Variants in SRSF10 observed in about 807,000 individuals in gnomAD.
SRSF10 encodes the protein serine and arginine rich splicing factor 10.
SRSF10 carries 9 observed loss-of-function variants against 32.6 expected under a neutral mutation model. That is an observed-to-expected ratio of 0.28 (90% confidence interval 0.17 to 0.48). The LOEUF (loss-of-function observed/expected upper bound fraction) is 0.48, where lower values mean the gene tolerates loss of function less well. Ranked by LOEUF, SRSF10 falls within the 20% of genes least tolerant of loss-of-function variation. SRSF10 has a pLI of 0.99. For missense variants in SRSF10, 201 were observed against 331.8 expected, an observed-to-expected ratio of 0.61 and a Z score of 3.06; for synonymous variants, 105 against 112.4, an observed-to-expected ratio of 0.93 and a Z score of 0.42.
chr1:23,968,881 A>C lies in SRSF10; in HGVS notation c.*2261T>G, dbSNP rs1641589145. Among the ~76,000 whole-genome samples, 1 of 152,178 alleles carries C rather than the reference A, an allele frequency of 6.6e-6. No individual in the cohort carries two copies. Among genetic ancestry groups the C allele is most frequent in the Non-Finnish European group, 1.5e-5 (1 of 67,998 alleles). ...AAGAGGCTTAATGAGCAATCATGAA[A>C]CAACTTTGATATTACACAATGAATT... On this transcript the variant is annotated 3_prime_UTR_variant, in exon 6 of 6. Coordinates refer to ENST00000492112, the MANE Select transcript of SRSF10 (RefSeq NM_054016.4).
At chr1:23,974,600 A>C (rs4649144) in intron 3 of SRSF10, among the ~76,000 whole-genome samples, 2 of 152,228 alleles carry the variant, frequency 1.3e-5, no homozygotes, top group Non-Finnish European at 2.9e-5. Flanking sequence ...AGGCTGAGGC[A>C]GGTGGATCAC....
In SRSF10 at chr1:23,965,010, A is replaced by C. The variant is rs1208857117; in HGVS notation, c.*6132T>G. ...AGCTGTTACAAATACACAGAAACAT[A>C]ATAAAGATAACCAACACTGTTAAGA... On this transcript the variant is annotated 3_prime_UTR_variant, in exon 6 of 6. Transcript: ENST00000492112. 2 of 152,104 alleles carry C rather than the reference A, an allele frequency of 1.3e-5. No individual in the cohort carries two copies. Among genetic ancestry groups the C allele is most frequent in the African/African-American group, 2.4e-5 (1 of 41,572 alleles). The allele number at this position is 152,104 out of a possible 1,614,324, so 9.4% of individuals were successfully genotyped here.
At chr1:23,977,470 A>G (rs1448077903) in intron 2 of SRSF10, 3 of 152,204 alleles carry the variant, frequency 2.0e-5, no homozygotes, top group Non-Finnish European at 4.4e-5. Context: ...TAAAGAAGTT[A>G]AGGGTTTATA....
Position 23,968,025 on chromosome 1 carries a change from T to A in SRSF10, c.*3117A>T, listed in dbSNP as rs974398608. On this transcript the variant is annotated 3_prime_UTR_variant, in exon 6 of 6. Coordinates refer to ENST00000492112, the MANE Select transcript of SRSF10 (RefSeq NM_054016.4). Reference sequence around the variant, plus strand: ...GAGAGGTGAAGTGTGTCAGCCCTCATTTGAGTGTTGATATAACCATTCTAT... The same window carrying A: ...GAGAGGTGAAGTGTGTCAGCCCTCAATTGAGTGTTGATATAACCATTCTAT... 3.9e-6 allele frequency: 6 copies of A among 1,533,358 alleles called. No individual in the cohort carries two copies. The African/African-American group carries it at 5.5e-5, about 14-fold the overall frequency. The allele number at this position is 1,533,358 out of a possible 1,614,324, so 95.0% of individuals were successfully genotyped here. A position where few individuals can be genotyped will look rare whatever the true frequency, so the allele number is the denominator to read the frequency against.
chr1:23,974,396 C>T (rs573204678), intron 3 of SRSF10, among the ~76,000 whole-genome samples: 93 of 140,344 alleles, frequency 6.6e-4, no homozygotes, highest in African/African-American at 2.3e-3. Flanking sequence ...TCTGGTAAGC[C>T]TGCATAACCA....
chr1:23,971,744 G>GT, intron 4 of SRSF10, 106 bp downstream of exon 4: 1 of 1,491,074 alleles, frequency 6.7e-7, no homozygotes. Context: ...TTGTCTCAAT[G>GT]AAACATTCAA....
chr1:23,968,800 A>T lies in SRSF10; in HGVS notation c.*2342T>A, dbSNP rs1264014597. Among the ~76,000 whole-genome samples the T allele has an allele frequency of 2.0e-5, 3 of 152,234 alleles. No homozygotes were observed. The highest frequency in any genetic ancestry group is 2.9e-5 in the Non-Finnish European group (2 of 68,026). ...ATAATGAAAATATAAACTTGGAATT[A>T]GCTGATCCAAATTTCATCTTAACAC... is the stretch of plus-strand genomic sequence containing the variant. On this transcript the variant is annotated 3_prime_UTR_variant, in exon 6 of 6. Transcript: ENST00000492112.
Position 23,973,992 on chromosome 1 carries a change from A to ATT in SRSF10, c.274+980_274+981dup, listed in dbSNP as rs141826891. Among the ~76,000 whole-genome samples the ATT allele has an allele frequency of 4.5e-3, 600 of 134,184 alleles. 5 individuals carry two copies. The highest frequency in any genetic ancestry group is 0.014 in the African/African-American group (491 of 36,048). The allele number at this position is 134,184 out of a possible 152,430, so 88.0% of individuals were successfully genotyped here. On this transcript the variant is annotated intron_variant, in intron 3 of 5. Coordinates refer to ENST00000492112, the MANE Select transcript of SRSF10 (RefSeq NM_054016.4). ...AGAGCTCCTCCTCTCCTCAGCAGCT[A>ATT]TTTTTTTTTTTTTTTTTGAGGCACA...
At position 23,969,792 on chromosome 1, in the gene SRSF10, T is replaced by A. The variant is rs780834041; in HGVS notation, c.*1350A>T. ...CACTGATAATCGAAAGCTCAAAAGA[T>A]GTGACTCTTGCTTAAAACTGACTAA... On this transcript the variant is annotated 3_prime_UTR_variant, in exon 6 of 6. Coordinates refer to ENST00000492112, the MANE Select transcript of SRSF10 (RefSeq NM_054016.4). 3.0e-6 allele frequency: 3 copies of A among 985,310 alleles called. No individual in the cohort carries two copies. The highest frequency in any genetic ancestry group is 3.6e-6 in the Non-Finnish European group (3 of 829,912). 61.0% of individuals were successfully genotyped at this position (985,310 alleles called of 1,614,324 possible).
chr1:23,967,078 G>A lies in SRSF10; in HGVS notation c.*4064C>T, dbSNP rs1246222041. 3.3e-5 allele frequency: 5 copies of A among 152,206 alleles called. No individual in the cohort carries two copies. The highest frequency in any genetic ancestry group is 1.2e-4 in the African/African-American group (5 of 41,422). 9.4% of individuals were successfully genotyped at this position (152,206 alleles called of 1,614,324 possible). A position where few individuals can be genotyped will look rare whatever the true frequency, so the allele number is the denominator to read the frequency against. ...TGCTGAATATACTGACTAGGAAAGA[G>A]GTGAGAAGAGATGGGCCCTCTTAGC... is the stretch of plus-strand genomic sequence containing the variant. On this transcript the variant is annotated 3_prime_UTR_variant, in exon 6 of 6. Transcript: ENST00000492112.
At chr1:23,979,872 G>GT (rs1256372159) in intron 1 of SRSF10, among the ~76,000 whole-genome samples, 2 of 151,994 alleles carry the variant, frequency 1.3e-5, no homozygotes, top group Admixed American at 1.3e-4. Flanking sequence ...ATCAATGGGG[G>GT]GCGGCCGTCG....
chr1:23,975,170 ATAT>A, intron 2 of SRSF10, 93 bp from the exon 3 acceptor site: 1 of 1,007,708 alleles, frequency 9.9e-7, no homozygotes, highest in African/African-American at 1.6e-5. Flanking sequence ...CAATCTCCCA[ATAT>A]TATTCCAGAA....
At position 23,965,927 on chromosome 1, in the gene SRSF10, T is replaced by C. The variant is rs919144662; in HGVS notation, c.*5215A>G. 3 of 151,930 alleles carry C rather than the reference T, an allele frequency of 2.0e-5. No homozygotes were observed. The highest frequency in any genetic ancestry group is 2.9e-5 in the Non-Finnish European group (2 of 67,820). The allele number at this position is 151,930 out of a possible 1,614,324, so 9.4% of individuals were successfully genotyped here. A position where few individuals can be genotyped will look rare whatever the true frequency, so the allele number is the denominator to read the frequency against. On this transcript the variant is annotated 3_prime_UTR_variant, in exon 6 of 6. Transcript: ENST00000492112. ...CTCTACATATTCTTTTAAAAATACA[T>C]AGAACCTCTGTCCATAAGAACCCCT...
At chr1:23,978,285 A>T in intron 2 of SRSF10, 1 of 993,180 alleles carries the variant, frequency 1.0e-6, no homozygotes, top group Non-Finnish European at 1.2e-6. Flanking sequence ...TGAGGTAACA[A>T]CAGAGGACAG....
At chr1:23,979,510 G>A (rs1642318332) in intron 1 of SRSF10, among the ~76,000 whole-genome samples, 1 of 152,142 alleles carries the variant, frequency 6.6e-6, no homozygotes, top group African/African-American at 2.4e-5. Flanking sequence ...TGAGAACAAA[G>A]CCTATTTAAG....
intron 1 of SRSF10, chr1:23,979,035 C>A: frequency 5.8e-6 from 1 of 171,906 alleles, no homozygotes; most frequent in Non-Finnish European, 1.2e-5. Context: ...GGTACAGCAG[C>A]ATTAGGTTGT....
In SRSF10 at chr1:23,968,526, A is replaced by AGAGT. The variant is rs1277795640; in HGVS notation, c.*2612_*2615dup. ...GTATCTTTCTCATAAGGTTTTGTGA[A>AGAGT]GAGTGAGTTAACACATAGCCTTTTC... On this transcript the variant is annotated 3_prime_UTR_variant, in exon 6 of 6. Transcript: ENST00000492112. 4.3e-3 allele frequency among the ~76,000 whole-genome samples: 14 copies of AGAGT among 3,256 alleles called. No homozygotes were observed. The East Asian group carries it at 0.3, about 70-fold the overall frequency. 2.1% of individuals were successfully genotyped at this position (3,256 alleles called of 152,430 possible).
chr1:23,969,834 A>G lies in SRSF10; in HGVS notation c.*1308T>C. 1 of 985,404 alleles carries G rather than the reference A, an allele frequency of 1.0e-6. No homozygotes were observed. The highest frequency in any genetic ancestry group is 4.7e-5 in the South Asian group (1 of 21,288). 61.0% of individuals were successfully genotyped at this position (985,404 alleles called of 1,614,324 possible). ...ACTGACTAATCCTTTTCCCCAAATT[A>G]CCTTAAATTTCATGGCACCACAGAA... On this transcript the variant is annotated 3_prime_UTR_variant, in exon 6 of 6. Transcript: ENST00000492112.
chr1:23,975,761 T>C (rs1642049749), intron 2 of SRSF10: 1 of 152,206 alleles, frequency 6.6e-6, no homozygotes, highest in African/African-American at 2.4e-5. Flanking sequence ...TGTAAAAGCA[T>C]GCTATCAAGA....
Sources: allele counts gnomAD v4.1 joint callset (sites outside exome capture counted in the v4.1 genomes callset), GRCh38; gene constraint gnomAD v4.1.1; transcripts MANE v1.5; gene names NCBI Gene and HGNC (gene_info 2026-07-23, HGNC 2026-07-21).